The following PSKH2 variants were observed in gnomAD, a reference collection of about 807,000 sequenced individuals.
The protein encoded by PSKH2 is serine/threonine-protein kinase H2.
A neutral mutation model predicts 22.5 loss-of-function variants in PSKH2; 16 were observed. The observed-to-expected ratio is 0.71, with a 90% CI of 0.48 to 1.08. PSKH2 has a LOEUF of 1.08. Among genes scored for constraint, PSKH2 ranks in the 50% least tolerant of loss-of-function variants. The pLI, the probability that PSKH2 is intolerant of heterozygous loss-of-function variation, is 0.00. For missense variants in PSKH2, 516 were observed against 492.8 expected (o/e 1.05, Z -0.44); for synonymous variants, 188 against 184.8 (o/e 1.02, Z -0.14).
intron 1 of PSKH2, 106 bp downstream of exon 1, chr8:86,069,332 C>G: frequency 9.5e-7 from 1 of 1,058,046 alleles, no homozygotes; most frequent in South Asian, 1.8e-5. Context: ...TCCGAAAGAA[C>G]CCTGTCCAAA....
rs548953289 is a variant in PSKH2, at chr8:86,054,027, C to A, written c.853-5260G>T. Among the ~76,000 whole-genome samples the A allele has an allele frequency of 3.3e-5, 5 of 152,204 alleles. No homozygotes were observed. In the East Asian group the frequency reaches 9.6e-4, roughly 29 times the overall value. ...AACCAGCCTGGGTGACAGAGCAAGACCCTGTCTCAAAATACAAAGAAACAA... is the reference window on the plus strand; with the variant it reads ...AACCAGCCTGGGTGACAGAGCAAGAACCTGTCTCAAAATACAAAGAAACAA... On this transcript the variant is annotated intron_variant, in intron 2 of 2. Transcript: ENST00000276616.
At chr8:86,057,313 C>CACACACACAT (rs55664585) in intron 2 of PSKH2, among the ~76,000 whole-genome samples, 33 of 151,138 alleles carry the variant, frequency 2.2e-4, no homozygotes, top group East Asian at 3.9e-4. Context: ...CACATACACA[C>CACACACACAT]AAATGCATGC....
Position 86,049,726 on chromosome 8 carries a change from G to C in PSKH2, c.853-959C>G, listed in dbSNP as rs972322857. On this transcript the variant is annotated intron_variant, in intron 2 of 2. Transcript: ENST00000276616. The stretch of plus-strand genomic sequence containing the variant: ...AGAAAGAAAGAAAGAAAGAAAGAAA[G>C]AAAGAAAGAAAGAAAGAAAGAAACG... Among the ~76,000 whole-genome samples the C allele has an allele frequency of 9.6e-5, 6 of 62,474 alleles. No individual in the cohort carries two copies. In the South Asian group the frequency reaches 4.9e-3, roughly 51 times the overall value. The allele number at this position is 62,474 out of a possible 152,430, so 41.0% of individuals were successfully genotyped here.
At position 86,048,378 on chromosome 8, in the gene PSKH2, T is replaced by C. The variant is rs1007364656; in HGVS notation, c.*84A>G. On this transcript the variant is annotated 3_prime_UTR_variant, in exon 3 of 3. Coordinates refer to ENST00000276616, the MANE Select transcript of PSKH2 (RefSeq NM_033126.3). ...AATAGTATCCAACAATACCATGGAG[T>C]CCCGTGTCTTTGGAGCTTGAGGGTG... 3 of 950,066 alleles carry C rather than the reference T, an allele frequency of 3.2e-6. No individual in the cohort carries two copies. The Admixed American group carries it at 6.3e-5, about 20-fold the overall frequency. 58.9% of individuals were successfully genotyped at this position (950,066 alleles called of 1,614,324 possible).
At chr8:86,050,924 T>A (rs887983589) in intron 2 of PSKH2, among the ~76,000 whole-genome samples, 1 of 152,150 alleles carries the variant, frequency 6.6e-6, no homozygotes, top group African/African-American at 2.4e-5. Flanking sequence ...TTTGCTTTTT[T>A]TAGAGATGGG....
In PSKH2 at chr8:86,064,626, T is replaced by C; in HGVS notation, c.191A>G (p.Asp64Gly). 1.2e-6 allele frequency: 2 copies of C among 1,608,880 alleles called. No individual in the cohort carries two copies. The highest frequency in any genetic ancestry group is 1.7e-6 in the Non-Finnish European group (2 of 1,178,062). ...GCCTGTCCCAATAAGAGCTTTGATG[T>C]CATATCTGTTGGGAAGAAAAACCAA... ...KFDPRVLARY[D>G]IKALIGTGSF... is the part of the protein sequence containing the mutation. The change falls in exon 2 of 3, where the codon GAC (aspartate) becomes GGC (glycine). Residue 64 changes from aspartate (D) to glycine (G), a missense_variant. By Grantham distance (94) the Asp-to-Gly change is moderately conservative. Coordinates refer to ENST00000276616, the MANE Select transcript of PSKH2 (RefSeq NM_033126.3).
At chr8:86,066,206 T>C (rs919362789) in intron 1 of PSKH2, among the ~76,000 whole-genome samples, 1 of 150,750 alleles carries the variant, frequency 6.6e-6, no homozygotes, top group Non-Finnish European at 1.5e-5. Context: ...TCTCCTTTTT[T>C]TTTTTTTTTT....
At chr8:86,064,878 C>T (rs935540169) in intron 1 of PSKH2, among the ~76,000 whole-genome samples, 5 of 152,076 alleles carry the variant, frequency 3.3e-5, no homozygotes, top group Non-Finnish European at 7.4e-5. Context: ...ATTTATTATA[C>T]AGTTATTATA....
chr8:86,055,658 C>T (rs1817689510), intron 2 of PSKH2, among the ~76,000 whole-genome samples: 1 of 152,168 alleles, frequency 6.6e-6, no homozygotes, highest in African/African-American at 2.4e-5. Flanking sequence ...GTACAATATT[C>T]ATTCCAAGAA....
intron 1 of PSKH2, among the ~76,000 whole-genome samples, chr8:86,068,772 T>A (rs1286659408): frequency 6.6e-6 from 1 of 152,104 alleles, no homozygotes; most frequent in Non-Finnish European, 1.5e-5. Context: ...AGCCCCAGGA[T>A]ATTAGAGGCA....
intron 2 of PSKH2, among the ~76,000 whole-genome samples, chr8:86,062,640 T>C (rs1817796696): frequency 6.6e-6 from 1 of 152,148 alleles, no homozygotes; most frequent in Non-Finnish European, 1.5e-5. Flanking sequence ...AGGTCCAAGC[T>C]TGCTTCCCCT....
In PSKH2 at chr8:86,048,662, C is replaced by A; in HGVS notation, c.958G>T (p.Val320Leu). ...SAGQALDHPWVITMAAGSSMK... is the reference protein window; with the variant it reads ...SAGQALDHPWLITMAAGSSMK... ...GAAGACCCTGCAGCCATGGTGATCA[C>A]CCAGGGATGGTCCAGGGCCTGGCCA... is the stretch of plus-strand genomic sequence containing the variant. The change falls in exon 3 of 3, where the codon GTG becomes TTG. Residue 320 changes from valine to leucine, a missense_variant. Physicochemically the swap from Val to Leu is conservative, Grantham distance 32 (BLOSUM62 1). Transcript: ENST00000276616. 1 of 1,614,094 alleles carries A rather than the reference C, an allele frequency of 6.2e-7. No individual in the cohort carries two copies. The highest frequency in any genetic ancestry group is 1.1e-5 in the South Asian group (1 of 91,064).
At chr8:86,050,379 A>C (rs1817613565) in intron 2 of PSKH2, among the ~76,000 whole-genome samples, 1 of 152,228 alleles carries the variant, frequency 6.6e-6, no homozygotes, top group South Asian at 2.1e-4. Context: ...CCAAGTAGCC[A>C]TAAAGTGCCA....
At chr8:86,056,757 C>T (rs571479933) in intron 2 of PSKH2, among the ~76,000 whole-genome samples, 23 of 152,262 alleles carry the variant, frequency 1.5e-4, no homozygotes, top group African/African-American at 5.1e-4. Context: ...TTCACAACAA[C>T]CCTTTTAGGT....
At chr8:86,064,747 T>C in intron 1 of PSKH2, 116 bp from the exon 2 acceptor site, 1 of 835,580 alleles carries the variant, frequency 1.2e-6, no homozygotes, top group South Asian at 1.8e-5. Context: ...CAGATTTATT[T>C]GTTTATTATT....
At chr8:86,063,747 C>T (rs560837596) in intron 2 of PSKH2, among the ~76,000 whole-genome samples, 4 of 152,282 alleles carry the variant, frequency 2.6e-5, no homozygotes, top group Non-Finnish European at 4.4e-5. Flanking sequence ...CGATTTTGCC[C>T]CACAGGGGAC....
chr8:86,062,340 C>G (rs957785864), intron 2 of PSKH2, among the ~76,000 whole-genome samples: 20 of 152,156 alleles, frequency 1.3e-4, no homozygotes, highest in African/African-American at 4.1e-4. Flanking sequence ...ACAGTGAAAC[C>G]TTTGCTGCAT....
At chr8:86,050,819 T>C (rs375345884) in intron 2 of PSKH2, among the ~76,000 whole-genome samples, 2 of 152,232 alleles carry the variant, frequency 1.3e-5, no homozygotes, top group South Asian at 2.1e-4. Flanking sequence ...GTCTCTGCCA[T>C]TGTGTAACGA....
chr8:86,061,835 A>G (rs1463408738), intron 2 of PSKH2, among the ~76,000 whole-genome samples: 1 of 152,226 alleles, frequency 6.6e-6, no homozygotes, highest in African/African-American at 2.4e-5. Context: ...CATGTGGCAC[A>G]GAAGATTCAC....
Sources: allele counts gnomAD v4.1 joint callset (sites outside exome capture counted in the v4.1 genomes callset), GRCh38; gene constraint gnomAD v4.1.1; transcripts MANE v1.5; gene names NCBI Gene and HGNC (gene_info 2026-07-23, HGNC 2026-07-21).